The following ASTN2 variants were observed in gnomAD, a reference collection of about 807,000 sequenced individuals.
ASTN2 encodes the protein astrotactin-2.
ASTN2 carries 54 observed loss-of-function variants against 139.8 expected under a neutral mutation model. The ratio of observed to expected loss-of-function variants is 0.39; its 90% CI spans 0.31 to 0.48. The LOEUF is 0.48. Ranked by LOEUF, ASTN2 falls within the 20% of genes least tolerant of loss-of-function variation. ASTN2 has a pLI of 0.95. For missense variants in ASTN2, 1,565 were observed against 1,725.1 expected (o/e 0.91, Z 1.64); for synonymous variants, 756 against 719.5 (o/e 1.05, Z -0.81).
chr9:117,272,996 G>A (rs1834101388), intron 2 of ASTN2, among the ~76,000 whole-genome samples: 1 of 152,016 alleles, frequency 6.6e-6, no homozygotes, highest in Non-Finnish European at 1.5e-5. Context: ...CACTCTACTG[G>A]TACCAATTTA....
chr9:117,252,781 T>A (rs1263855524), intron 2 of ASTN2, among the ~76,000 whole-genome samples: 1 of 152,190 alleles, frequency 6.6e-6, no homozygotes, highest in Non-Finnish European at 1.5e-5. Context: ...TAAACCCACG[T>A]CAAGATTTTG....
At position 117,147,646 on chromosome 9, in the gene ASTN2, A is replaced by G. The variant is rs370342917; in HGVS notation, c.1016-6168T>C. 9.8e-5 allele frequency among the ~76,000 whole-genome samples: 15 copies of G among 152,314 alleles called. No individual in the cohort carries two copies. In the South Asian group the frequency reaches 2.9e-3, roughly 29 times the overall value. On this transcript the variant is annotated intron_variant, in intron 3 of 22. Coordinates refer to ENST00000313400, the MANE Select transcript of ASTN2 (RefSeq NM_001365068.1). ...CTTGAGCACCAACTTTTTGCTAGGT[A>G]GGGAGCCTGGTATTTCCTTATGGTT...
At chr9:117,227,633 G>A (rs4838299) in intron 2 of ASTN2, among the ~76,000 whole-genome samples, 107,001 of 152,068 alleles carry the variant, frequency 0.7, 38,777 homozygotes, top group East Asian at 0.91. Flanking sequence ...TGGAAGATAT[G>A]TAGTGAATAA....
intron 5 of ASTN2, among the ~76,000 whole-genome samples, chr9:117,062,441 T>C (rs1839321525): frequency 6.6e-6 from 1 of 152,208 alleles, no homozygotes; most frequent in Non-Finnish European, 1.5e-5. Context: ...ATGTTAAAAA[T>C]ACAGTGCTTT....
chr9:116,807,297 C>T (rs1417089120), intron 12 of ASTN2, among the ~76,000 whole-genome samples: 2 of 152,180 alleles, frequency 1.3e-5, no homozygotes, highest in Non-Finnish European at 2.9e-5. Context: ...GCTGATGCTA[C>T]AGATATAGAG....
chr9:116,449,132 G>A (rs758397502), intron 20 of ASTN2, among the ~76,000 whole-genome samples: 5 of 152,184 alleles, frequency 3.3e-5, no homozygotes, highest in Non-Finnish European at 7.3e-5. Flanking sequence ...GTGGCCGGGC[G>A]TGGTGGCTCA....
chr9:117,377,717 T>TAGGAATATAG, intron 1 of ASTN2, among the ~76,000 whole-genome samples: 1 of 151,040 alleles, frequency 6.6e-6, no homozygotes, highest in Non-Finnish European at 1.5e-5. Flanking sequence ...TAAATGTCCA[T>TAGGAATATAG]CAATAGGAAA....
chr9:116,698,140 A>G lies in ASTN2; in HGVS notation c.2806+27631T>C, dbSNP rs1860971813. ...GAGGCAGACCATCAGCCTCCTGGCC[A>G]CTGTACACTCCCTGTCAAAGAAGCA... On this transcript the variant is annotated intron_variant, in intron 16 of 22. Transcript: ENST00000313400. This position sits in a 1 kb window ranked among gnomAD's most constrained non-coding sequence, Gnocchi z 4.4. The G allele has an allele frequency of 1.2e-6, 2 of 1,614,098 alleles. No individual in the cohort carries two copies. The highest frequency in any genetic ancestry group is 2.2e-5 in the East Asian group (1 of 44,844).
intron 10 of ASTN2, among the ~76,000 whole-genome samples, chr9:116,920,277 G>T (rs1834566470): frequency 1.3e-5 from 2 of 152,202 alleles, no homozygotes. Flanking sequence ...GATGAGTAGG[G>T]CCAGCTGGCT....
intron 20 of ASTN2, among the ~76,000 whole-genome samples, chr9:116,476,969 C>A (rs1848999910): frequency 6.6e-6 from 1 of 152,096 alleles, no homozygotes. Context: ...CCTCCGCCTG[C>A]AGGAGAAAGC....
At chr9:117,060,484 G>A (rs188085534) in intron 5 of ASTN2, among the ~76,000 whole-genome samples, 646 of 57,792 alleles carry the variant, frequency 0.011, 36 homozygotes, top group East Asian at 0.048. Context: ...AAGGAAGGAA[G>A]GAATGAAAGA....
At chr9:116,426,460 G>A (rs913531986) in intron 22 of ASTN2, among the ~76,000 whole-genome samples, 1 of 152,156 alleles carries the variant, frequency 6.6e-6, no homozygotes, top group Non-Finnish European at 1.5e-5. Context: ...CACTGGGTAT[G>A]CATTTTACAT....
At chr9:116,635,565 CAT>C (rs1857034385) in intron 17 of ASTN2, among the ~76,000 whole-genome samples, 1 of 152,150 alleles carries the variant, frequency 6.6e-6, no homozygotes, top group Non-Finnish European at 1.5e-5. Flanking sequence ...AGTACCTGCA[CAT>C]ATGAGAAAAA....
intron 13 of ASTN2, among the ~76,000 whole-genome samples, chr9:116,747,728 C>T (rs1305817941): frequency 6.8e-6 from 1 of 147,172 alleles, no homozygotes; most frequent in Admixed American, 6.8e-5. Flanking sequence ...CACACACACA[C>T]ACCACCTACC....
intron 19 of ASTN2, among the ~76,000 whole-genome samples, chr9:116,512,031 C>T (rs907422178): frequency 2.6e-5 from 4 of 152,070 alleles, no homozygotes; most frequent in Admixed American, 6.6e-5. Flanking sequence ...TTAGTTATTT[C>T]TTGCCTTCTG....
chr9:117,313,733 T>C (rs566701347), intron 1 of ASTN2, among the ~76,000 whole-genome samples: 2 of 152,256 alleles, frequency 1.3e-5, no homozygotes, highest in Admixed American at 6.5e-5. Context: ...ACTCACATGG[T>C]AAGACACAGA....
chr9:116,805,955 C>G, intron 12 of ASTN2, 135 bp from the exon 13 acceptor site: 1 of 804,836 alleles, frequency 1.2e-6, no homozygotes, highest in Non-Finnish European at 2.0e-6. Context: ...TACCTGGAAT[C>G]TATCTAGGGC....
At position 116,686,969 on chromosome 9, in the gene ASTN2, C is replaced by T. The variant is rs544675490; in HGVS notation, c.2807-35176G>A. ...AAAAACAGATTCAGTAAGGTGCCAACGCTTTGCTGAGGACTACCCTGGAGG... is the reference window on the plus strand; with the variant it reads ...AAAAACAGATTCAGTAAGGTGCCAATGCTTTGCTGAGGACTACCCTGGAGG... On this transcript the variant is annotated intron_variant, in intron 16 of 22. Transcript: ENST00000313400. 4.1e-6 allele frequency: 6 copies of T among 1,461,344 alleles called. No homozygotes were observed. The Admixed American group carries it at 1.1e-4, about 27-fold the overall frequency. 90.5% of individuals were successfully genotyped at this position (1,461,344 alleles called of 1,614,324 possible). A position where few individuals can be genotyped will look rare whatever the true frequency, so the allele number is the denominator to read the frequency against.
At chr9:116,781,153 A>G (rs1044203639) in intron 13 of ASTN2, among the ~76,000 whole-genome samples, 3 of 152,178 alleles carry the variant, frequency 2.0e-5, no homozygotes, top group South Asian at 4.1e-4. Flanking sequence ...ATTCTTTAAA[A>G]TGGATTCACA....
Sources: gnomAD v4.1 joint callset for allele counts (sites outside exome capture counted in the v4.1 genomes callset) on GRCh38, gnomAD v4.1.1 for gene constraint, Gnocchi (gnomAD v3.1) non-coding constraint, MANE v1.5 for transcripts, NCBI Gene and HGNC (gene_info 2026-07-23, HGNC 2026-07-21) for gene names.